DNAJC10: variants seen among roughly 807,000 people sequenced by gnomAD.
The protein encoded by DNAJC10 is endoplasmic reticulum disulfide reductase DNAJC10.
DNAJC10 carries 101 observed loss-of-function variants against 115.0 expected under a neutral mutation model. That is an observed-to-expected ratio of 0.88 (90% CI 0.75 to 1.04). The LOEUF (loss-of-function observed/expected upper bound fraction) is 1.04. Among genes scored for constraint, DNAJC10 ranks in the 50% least tolerant of loss-of-function variants. DNAJC10 has a pLI of 0.00. For synonymous variants in DNAJC10, 307 were observed against 301.5 expected, an observed-to-expected ratio of 1.02 and a Z score of -0.19; for missense variants, 981 against 928.8, an observed-to-expected ratio of 1.06 and a Z score of -0.73.
intron 4 of DNAJC10, among the ~76,000 whole-genome samples, chr2:182,720,425 A>G (rs1558994998): frequency 1.3e-5 from 2 of 152,210 alleles, no homozygotes; most frequent in African/African-American, 2.4e-5. Flanking sequence ...ATATGCATTC[A>G]TGGACTGCAT....
At chr2:182,760,551 T>C (rs975839871) in intron 21 of DNAJC10, among the ~76,000 whole-genome samples, 1 of 152,180 alleles carries the variant, frequency 6.6e-6, no homozygotes, top group African/African-American at 2.4e-5. Flanking sequence ...CCTAACTCAG[T>C]AAATGCTTAT....
intron 14 of DNAJC10, among the ~76,000 whole-genome samples, chr2:182,750,342 G>A (rs557351670): frequency 1.3e-4 from 20 of 152,208 alleles, no homozygotes; most frequent in Non-Finnish European, 2.6e-4. Flanking sequence ...GCAATGGGTT[G>A]GAAATGGTAA....
chr2:182,793,192 ACAG>A lies in DNAJC10; in HGVS notation c.*16064_*16066del, dbSNP rs141312290. 4,031 of 152,544 alleles carry A rather than the reference ACAG, an allele frequency of 0.026. 70 individuals are homozygous for A. Among genetic ancestry groups the A allele is most frequent in the East Asian group, 0.098 (507 of 5,158 alleles). 9.4% of individuals were successfully genotyped at this position (152,544 alleles called of 1,614,324 possible). On this transcript the variant is annotated 3_prime_UTR_variant, in exon 24 of 24. Transcript: ENST00000264065. ...AAGGCATGCTTGGCAGGTTCAAGGA[ACAG>A]CAGGGAGGCTCATGTGGCTGGAATG... is the stretch of plus-strand genomic sequence containing the variant.
rs1056999118 is a variant in DNAJC10 at position 182,780,259 on chromosome 2, T to C, written c.*3127T>C. On this transcript the variant is annotated 3_prime_UTR_variant, in exon 24 of 24. Coordinates refer to ENST00000264065, the MANE Select transcript of DNAJC10 (RefSeq NM_018981.4). ...GGCCTGGTGGGAGGTGTTTGGGTGA[T>C]GGGGGCTGATCCCTCATAAATGGCT... The C allele has an allele frequency of 2.6e-5, 4 of 152,148 alleles. No individual in the cohort carries two copies. Among genetic ancestry groups the C allele is most frequent in the Non-Finnish European group, 5.9e-5 (4 of 68,032 alleles). 9.4% of individuals were successfully genotyped at this position (152,148 alleles called of 1,614,324 possible).
chr2:182,719,983 A>G (rs1345869397), intron 3 of DNAJC10, 24 bp from the exon 4 acceptor site: 2 of 1,309,480 alleles, frequency 1.5e-6, no homozygotes, highest in African/African-American at 1.5e-5. Context: ...AAATAATTGT[A>G]TTATATCTAA....
At chr2:182,731,687 A>G (rs1354142890) in intron 9 of DNAJC10, among the ~76,000 whole-genome samples, 1 of 152,174 alleles carries the variant, frequency 6.6e-6, no homozygotes, top group African/African-American at 2.4e-5. Context: ...ATGTATTTGC[A>G]TGTATTTAAT....
At chr2:182,763,002 C>G (rs1364879314) in intron 22 of DNAJC10, among the ~76,000 whole-genome samples, 1 of 152,030 alleles carries the variant, frequency 6.6e-6, no homozygotes, top group African/African-American at 2.4e-5. Flanking sequence ...GATACAGACT[C>G]AATTGCCTTA....
chr2:182,732,367 T>C, intron 9 of DNAJC10, 132 bp from the exon 10 acceptor site: 1 of 795,108 alleles, frequency 1.3e-6, no homozygotes, highest in Admixed American at 1.9e-5. Flanking sequence ...AGGATTTCCA[T>C]ATCTATCAAT....
At chr2:182,730,621 A>T (rs1169573291) in intron 8 of DNAJC10, 1 of 436,460 alleles carries the variant, frequency 2.3e-6, no homozygotes, top group East Asian at 7.0e-5. Context: ...AGTCATATCC[A>T]ATCTGTCATG....
intron 22 of DNAJC10, among the ~76,000 whole-genome samples, chr2:182,765,307 G>A (rs764625219): frequency 3.0e-4 from 46 of 152,216 alleles, no homozygotes; most frequent in Non-Finnish European, 5.3e-4. Context: ...CAGTTAAGGG[G>A]TAAGACAGGG....
intron 5 of DNAJC10, among the ~76,000 whole-genome samples, 166 bp downstream of exon 5, chr2:182,722,241 C>G (rs1468393222): frequency 2.0e-5 from 3 of 151,882 alleles, no homozygotes; most frequent in Non-Finnish European, 2.9e-5. Context: ...GGGAAGTGTA[C>G]CATAATAAAA....
At position 182,777,344 on chromosome 2, in the gene DNAJC10, A is replaced by G. The variant is rs559923086; in HGVS notation, c.*212A>G. ...GGTTTATAAATATTTTAGACTTTGCAGGCTATAATATATGGTTCACACATG... is the reference window on the plus strand; with the variant it reads ...GGTTTATAAATATTTTAGACTTTGCGGGCTATAATATATGGTTCACACATG... On this transcript the variant is annotated 3_prime_UTR_variant, in exon 24 of 24. Transcript: ENST00000264065. The G allele has an allele frequency of 5.2e-4, 181 of 350,076 alleles. 3 individuals are homozygous for G. The East Asian group carries it at 7.2e-3, about 14-fold the overall frequency. The allele number at this position is 350,076 out of a possible 1,614,324, so 21.7% of individuals were successfully genotyped here. A position where few individuals can be genotyped will look rare whatever the true frequency, so the allele number is the denominator to read the frequency against.
chr2:182,756,502 C>CTAA lies in DNAJC10; in HGVS notation c.1809+33_1809+34insTAA. 2.5e-6 allele frequency: 4 copies of CTAA among 1,571,354 alleles called. No individual in the cohort carries two copies. The South Asian group carries it at 4.7e-5, about 18-fold the overall frequency. ...AAAAATAGTTTATTTTAAATCTTAA[C>CTAA]ATTTACTAAGAATGTTTATTTAACA... On this transcript the variant is annotated intron_variant, in intron 18 of 23. Coordinates refer to ENST00000264065, the MANE Select transcript of DNAJC10 (RefSeq NM_018981.4).
intron 11 of DNAJC10, among the ~76,000 whole-genome samples, chr2:182,737,465 T>A (rs908455984): frequency 3.3e-5 from 5 of 152,222 alleles, no homozygotes; most frequent in African/African-American, 1.2e-4. Context: ...CAAATCTTGG[T>A]AAATACCCAT....
rs1695011591 is a variant in DNAJC10 at position 182,789,496 on chromosome 2, C to A, written c.*12364C>A. 1 of 152,354 alleles carries A rather than the reference C, an allele frequency of 6.6e-6. No homozygotes were observed. The allele number at this position is 152,354 out of a possible 1,614,324, so 9.4% of individuals were successfully genotyped here. ...TTGGTCTCCCAAAGTGCTGGGATTA[C>A]AGGCGTGAGCCACCGCACCCAGCCA... On this transcript the variant is annotated 3_prime_UTR_variant, in exon 24 of 24. Coordinates refer to ENST00000264065, the MANE Select transcript of DNAJC10 (RefSeq NM_018981.4).
Position 182,759,177 on chromosome 2 carries a change from C to G in DNAJC10, c.2015C>G (p.Ser672Cys). The change falls in exon 21 of 24, where the codon TCC becomes TGC. Residue 672 changes from serine (S) to cysteine (C), a missense_variant. By Grantham distance (112) the Ser-to-Cys change is moderately radical. Coordinates refer to ENST00000264065, the MANE Select transcript of DNAJC10 (RefSeq NM_018981.4). ...IWGLGFLPQV[S>C]TDLTPQTFSE... ...TGCCACAGATTTTTACCTCAAGTAT[C>G]CACAGATCTAACACCTCAGACTTTC... 1.9e-6 allele frequency: 3 copies of G among 1,586,694 alleles called. No individual in the cohort carries two copies. Among genetic ancestry groups the G allele is most frequent in the Non-Finnish European group, 2.6e-6 (3 of 1,172,776 alleles).
intron 22 of DNAJC10, among the ~76,000 whole-genome samples, chr2:182,773,526 C>G (rs925850675): frequency 6.6e-6 from 1 of 152,122 alleles, no homozygotes; most frequent in Non-Finnish European, 1.5e-5. Flanking sequence ...TTGTTCATTT[C>G]TTTTTACTCT....
chr2:182,776,322 A>G (rs771651207), intron 23 of DNAJC10, among the ~76,000 whole-genome samples: 1 of 152,164 alleles, frequency 6.6e-6, no homozygotes, highest in Admixed American at 6.6e-5. Flanking sequence ...CCCTCTTTGA[A>G]TCTTTAATCT....
intron 21 of DNAJC10, 151 bp downstream of exon 21, chr2:182,759,458 G>A: frequency 1.4e-6 from 1 of 729,730 alleles, no homozygotes; most frequent in South Asian, 2.0e-5. Context: ...TGTAATGGTT[G>A]TAGTAGATTT....
Sources: gnomAD v4.1 joint callset for allele counts (sites outside exome capture counted in the v4.1 genomes callset) on GRCh38, gnomAD v4.1.1 for gene constraint, MANE v1.5 for transcripts, NCBI Gene and HGNC (gene_info 2026-07-23, HGNC 2026-07-21) for gene names.